LY96: variants seen among roughly 807,000 people sequenced by gnomAD.
LY96 encodes the protein myeloid differentiation protein-2.
A neutral mutation model predicts 18.9 loss-of-function variants in LY96; 18 were observed. That is an observed-to-expected ratio of 0.95 (90% CI 0.66 to 1.41). LY96 has a LOEUF of 1.41. LY96 is among the 40% of genes most tolerant of loss of function. LY96 has a pLI of 0.00. For missense variants in LY96, 175 were observed against 182.4 expected, an observed-to-expected ratio of 0.96 and a Z score of 0.23; for synonymous variants, 66 against 62.6, an observed-to-expected ratio of 1.06 and a Z score of -0.26.
At chr8:74,080,980 CTCTCTCTT>C in the LY96 span, among the ~76,000 whole-genome samples, 103 of 126,812 alleles carry the variant, frequency 8.1e-4, 2 homozygotes, top group African/African-American at 2.7e-3. Flanking sequence ...TTCTTTCTTT[CTCTCTCTT>C]TCTTTCTTTC....
intron 2 of LY96, among the ~76,000 whole-genome samples, chr8:74,005,734 AT>A (rs1191306280): frequency 1.3e-5 from 2 of 152,182 alleles, no homozygotes; most frequent in African/African-American, 4.8e-5. Flanking sequence ...GGGTGATAGC[AT>A]GGGGCTGTAT....
chr8:74,044,193 T>C, the LY96 span, among the ~76,000 whole-genome samples: 1 of 152,102 alleles, frequency 6.6e-6, no homozygotes, highest in Non-Finnish European at 1.5e-5. Flanking sequence ...AATTTTCTTT[T>C]TCTTTTTTTT....
chr8:74,069,717 C>T, the LY96 span, among the ~76,000 whole-genome samples: 2 of 152,166 alleles, frequency 1.3e-5, no homozygotes, highest in African/African-American at 2.4e-5. Flanking sequence ...ATTCTCCCCT[C>T]TCAGCCTCCT....
the LY96 span, among the ~76,000 whole-genome samples, chr8:74,070,722 T>G: frequency 0.084 from 12,718 of 152,184 alleles, 926 homozygotes; most frequent in African/African-American, 0.2. Context: ...AGTTCTCCAA[T>G]GAGCCTTGCT....
chr8:74,080,134 C>T, the LY96 span, among the ~76,000 whole-genome samples: 1 of 152,084 alleles, frequency 6.6e-6, no homozygotes, highest in East Asian at 1.9e-4. Flanking sequence ...TTGTTCAGGA[C>T]CCCTTTATGT....
the LY96 span, among the ~76,000 whole-genome samples, chr8:74,067,000 T>C: frequency 6.6e-6 from 1 of 152,184 alleles, no homozygotes; most frequent in African/African-American, 2.4e-5. Flanking sequence ...AGTAGTTCAT[T>C]AGTGGAGACA....
chr8:74,051,461 TTCTTAGTAATTA>T, the LY96 span, among the ~76,000 whole-genome samples: 1 of 152,174 alleles, frequency 6.6e-6, no homozygotes. Context: ...CCATATATAC[TTCTTAGTAATTA>T]TCTTAGTAAT....
chr8:74,076,099 A>T, the LY96 span, among the ~76,000 whole-genome samples: 8 of 150,998 alleles, frequency 5.3e-5, no homozygotes, highest in Admixed American at 6.6e-5. Context: ...AGTCGCTTGG[A>T]GAAGGGTGTG....
At chr8:74,028,891 C>G in intron 4 of LY96, 65 bp from the exon 5 acceptor site, 2 of 974,316 alleles carry the variant, frequency 2.1e-6, no homozygotes, top group Non-Finnish European at 3.2e-6. Flanking sequence ...AAAGTTCTTA[C>G]AAAGCCTCTG....
chr8:74,046,215 G>T, the LY96 span, among the ~76,000 whole-genome samples: 1 of 152,132 alleles, frequency 6.6e-6, no homozygotes, highest in African/African-American at 2.4e-5. Context: ...GGAGGCAGAG[G>T]TTGCAGTGAA....
chr8:74,051,960 T>G, the LY96 span, among the ~76,000 whole-genome samples: 1 of 152,182 alleles, frequency 6.6e-6, no homozygotes, highest in Non-Finnish European at 1.5e-5. Context: ...AACTCCTGTG[T>G]GAGTAAAATT....
chr8:74,056,946 T>C, the LY96 span, among the ~76,000 whole-genome samples: 1 of 152,198 alleles, frequency 6.6e-6, no homozygotes, highest in Admixed American at 6.5e-5. Flanking sequence ...GCTAGTTTTG[T>C]GGTAACTTGT....
chr8:74,057,387 A>C, the LY96 span, among the ~76,000 whole-genome samples: 1 of 152,210 alleles, frequency 6.6e-6, no homozygotes, highest in African/African-American at 2.4e-5. Flanking sequence ...AGGGATTACA[A>C]AGTTTAGAAA....
chr8:74,005,698 C>T (rs1333195846), intron 2 of LY96, among the ~76,000 whole-genome samples: 1 of 152,170 alleles, frequency 6.6e-6, no homozygotes, highest in Admixed American at 6.5e-5. Flanking sequence ...TGCTTGTTAT[C>T]AGCTTAGAAA....
At chr8:74,072,309 G>T in the LY96 span, among the ~76,000 whole-genome samples, 1 of 152,076 alleles carries the variant, frequency 6.6e-6, no homozygotes, top group Non-Finnish European at 1.5e-5. Flanking sequence ...AAGCCTGTTT[G>T]CATTTCTGTA....
At chr8:74,088,749 T>C in the LY96 span, among the ~76,000 whole-genome samples, 1 of 152,094 alleles carries the variant, frequency 6.6e-6, no homozygotes, top group East Asian at 1.9e-4. Context: ...CTACACCTGG[T>C]TAATTTTTGT....
chr8:74,014,395 A>C (rs77835832), intron 3 of LY96, among the ~76,000 whole-genome samples: 1,990 of 88,680 alleles, frequency 0.022, 19 homozygotes, highest in Non-Finnish European at 0.026. Flanking sequence ...AAAAAAAAAG[A>C]AAAAAAAAAA....
the LY96 span, among the ~76,000 whole-genome samples, chr8:74,069,990 C>T: frequency 2.0e-5 from 3 of 152,294 alleles, no homozygotes; most frequent in South Asian, 4.1e-4. Flanking sequence ...TTCTACACTT[C>T]TTAGTTGGCA....
chr8:74,060,795 C>T, the LY96 span, among the ~76,000 whole-genome samples: 1 of 152,202 alleles, frequency 6.6e-6, no homozygotes, highest in Non-Finnish European at 1.5e-5. Context: ...TATGTTTCCT[C>T]AGGAGAAGTA....
Sources: gnomAD v4.1 joint callset for allele counts (sites outside exome capture counted in the v4.1 genomes callset) on GRCh38, gnomAD v4.1.1 for gene constraint, MANE v1.5 for transcripts, NCBI Gene and HGNC (gene_info 2026-07-23, HGNC 2026-07-21) for gene names.